Variants in STAG1 observed in about 807,000 individuals in gnomAD.
STAG1 encodes cohesin subunit SA-1.
STAG1 carries 26 observed loss-of-function variants against 170.9 expected under a neutral mutation model. The ratio of observed to expected loss-of-function variants is 0.15; its 90% CI spans 0.11 to 0.21. The LOEUF (loss-of-function observed/expected upper bound fraction) is 0.21. Among genes scored for constraint, STAG1 ranks in the 10% least tolerant of loss-of-function variants. The pLI is 1.00. For missense variants in STAG1, 964 were observed against 1,509.5 expected (o/e 0.64, Z 5.99); for synonymous variants, 514 against 497.7 (o/e 1.03, Z -0.44).
At chr3:136,530,300 C>T (rs961504544) in intron 6 of STAG1, among the ~76,000 whole-genome samples, 5 of 152,182 alleles carry the variant, frequency 3.3e-5, no homozygotes, top group Non-Finnish European at 5.9e-5. Context: ...TCACTCTCAG[C>T]ATTCGATCAT....
intron 4 of STAG1, among the ~76,000 whole-genome samples, chr3:136,573,164 C>A (rs1031379941): frequency 6.7e-6 from 1 of 149,112 alleles, no homozygotes; most frequent in Non-Finnish European, 1.5e-5. Context: ...GGTGACAGAG[C>A]AAGACCTTAT....
At chr3:136,745,710 T>A (rs1030701259) in intron 1 of STAG1, among the ~76,000 whole-genome samples, 1 of 152,196 alleles carries the variant, frequency 6.6e-6, no homozygotes, top group Non-Finnish European at 1.5e-5. Context: ...CACAGCCCAG[T>A]GGTTGGGGAC....
intron 1 of STAG1, among the ~76,000 whole-genome samples, chr3:136,716,679 C>T (rs550652974): frequency 6.6e-6 from 1 of 152,154 alleles, no homozygotes; most frequent in Non-Finnish European, 1.5e-5. Flanking sequence ...ACTCTATATT[C>T]TAATTAGCTA....
chr3:136,744,127 A>G (rs1259871500), intron 1 of STAG1, among the ~76,000 whole-genome samples: 1 of 152,228 alleles, frequency 6.6e-6, no homozygotes, highest in Non-Finnish European at 1.5e-5. Flanking sequence ...CAGGAGTTCT[A>G]GACCAGCCTG....
At chr3:136,523,684 A>C (rs1934821039) in intron 6 of STAG1, among the ~76,000 whole-genome samples, 1 of 152,084 alleles carries the variant, frequency 6.6e-6, no homozygotes, top group South Asian at 2.1e-4. Flanking sequence ...CTATGTCCTG[A>C]GTGGTATTGC....
chr3:136,375,124 A>T (rs568237115), intron 23 of STAG1, among the ~76,000 whole-genome samples: 6 of 152,160 alleles, frequency 3.9e-5, no homozygotes, highest in Non-Finnish European at 8.8e-5. Context: ...ACAATGATGA[A>T]ATTGCCTAAC....
chr3:136,498,210 T>TA (rs1274164696), intron 9 of STAG1, among the ~76,000 whole-genome samples: 519 of 50,724 alleles, frequency 0.01, 28 homozygotes, highest in East Asian at 0.071. Flanking sequence ...AAAAAAAAAA[T>TA]TATATATATA....
At chr3:136,735,062 T>C (rs576527621) in intron 1 of STAG1, among the ~76,000 whole-genome samples, 179 of 152,198 alleles carry the variant, frequency 1.2e-3, no homozygotes, top group African/African-American at 3.9e-3. Flanking sequence ...CCAGTTTCCA[T>C]GGTGGGGCAG....
chr3:136,650,121 G>A (rs1304445517), intron 1 of STAG1, among the ~76,000 whole-genome samples: 2 of 151,438 alleles, frequency 1.3e-5, no homozygotes, highest in Non-Finnish European at 2.9e-5. Context: ...CTGTAGCCCC[G>A]GCTACTCTGG....
chr3:136,658,405 T>A (rs1426623558), intron 1 of STAG1, among the ~76,000 whole-genome samples: 3 of 151,640 alleles, frequency 2.0e-5, no homozygotes, highest in Non-Finnish European at 4.4e-5. Context: ...AAAAAAAAAA[T>A]CAAAGGTAAT....
chr3:136,484,358 C>T (rs1217730219), intron 9 of STAG1, among the ~76,000 whole-genome samples: 1 of 147,066 alleles, frequency 6.8e-6, no homozygotes, highest in East Asian at 2.1e-4. Flanking sequence ...CAGTGTGCCC[C>T]TGCTGTGGGG....
intron 1 of STAG1, among the ~76,000 whole-genome samples, chr3:136,632,649 G>A (rs1298136435): frequency 2.0e-5 from 3 of 152,080 alleles, no homozygotes; most frequent in African/African-American, 7.2e-5. Context: ...AGGAAAATAT[G>A]TTACGGACTA....
chr3:136,606,837 C>G (rs1422588149), intron 3 of STAG1, among the ~76,000 whole-genome samples: 1 of 150,564 alleles, frequency 6.6e-6, no homozygotes. Context: ...CAACCTCCGT[C>G]TGCTGGGTTC....
At chr3:136,639,957 A>C (rs535424819) in intron 1 of STAG1, among the ~76,000 whole-genome samples, 1 of 152,302 alleles carries the variant, frequency 6.6e-6, no homozygotes, top group East Asian at 1.9e-4. Context: ...AATTTCTCCC[A>C]CAATTTATAA....
At chr3:136,697,501 C>G (rs1942933584) in intron 1 of STAG1, among the ~76,000 whole-genome samples, 1 of 152,104 alleles carries the variant, frequency 6.6e-6, no homozygotes, top group Non-Finnish European at 1.5e-5. Context: ...ATCCAGCCAC[C>G]AGCATTTTTT....
intron 22 of STAG1, among the ~76,000 whole-genome samples, chr3:136,397,376 T>C (rs2087194475): frequency 6.6e-6 from 1 of 152,236 alleles, no homozygotes; most frequent in Admixed American, 6.5e-5. Flanking sequence ...TCAGAAGATA[T>C]TTAGATTTGA....
chr3:136,583,711 C>T (rs1265039307), intron 4 of STAG1, among the ~76,000 whole-genome samples: 2 of 152,166 alleles, frequency 1.3e-5, no homozygotes, highest in Admixed American at 1.3e-4. Context: ...ATTGCTTAAA[C>T]CCAGGAGGCA....
chr3:136,604,297 C>T lies in STAG1; in HGVS notation c.297+12G>A. The stretch of plus-strand genomic sequence containing the variant: ...TATTGCTTTATACGTGAAATAAAAA[C>T]TTAAAATTTACCTGCATTGCACTTT... On this transcript the variant is annotated intron_variant, in intron 4 of 33. Transcript: ENST00000383202. 1 of 1,601,422 alleles carries T rather than the reference C, an allele frequency of 6.2e-7. No homozygotes were observed. The highest frequency in any genetic ancestry group is 8.5e-7 in the Non-Finnish European group (1 of 1,176,138).
rs778647396 is a variant in STAG1 at position 136,398,734 on chromosome 3, G to A, written c.2277+15C>T. On this transcript the variant is annotated intron_variant, in intron 22 of 33. Transcript: ENST00000383202. ...TTCAGTAATAACCCTTCTGCCTACA[G>A]AAACTCTTACTTACTTTGGAAGGAG... 7.7e-6 allele frequency: 12 copies of A among 1,566,986 alleles called. No individual in the cohort carries two copies. Among genetic ancestry groups the A allele is most frequent in the African/African-American group, 5.4e-5 (4 of 73,576 alleles).
Sources: allele counts gnomAD v4.1 joint callset (sites outside exome capture counted in the v4.1 genomes callset), GRCh38; gene constraint gnomAD v4.1.1; transcripts MANE v1.5; gene names NCBI Gene and HGNC (gene_info 2026-07-23, HGNC 2026-07-21).